Variants in INPP4B observed in about 807,000 individuals in gnomAD.
INPP4B encodes inositol polyphosphate 4-phosphatase type II.
Under a neutral mutation model 122.5 loss-of-function variants are expected in INPP4B, and 55 were observed. That is an observed-to-expected ratio of 0.45 (90% CI 0.36 to 0.56). The LOEUF (loss-of-function observed/expected upper bound fraction) is 0.56, where lower values mean the gene tolerates loss of function less well. INPP4B is among the 20% of genes least tolerant of loss of function. INPP4B has a pLI of 0.00. For synonymous variants in INPP4B, 403 were observed against 388.7 expected (o/e 1.04, Z -0.43); for missense variants, 1,000 against 1,097.7 (o/e 0.91, Z 1.26).
chr4:142,208,545 A>T lies in INPP4B; in HGVS notation c.968-16T>A. The stretch of plus-strand genomic sequence containing the variant: ...AAAGAGGACCCTGATGGAAACCAGA[A>T]ATTAAACATTATTAGTAAATAATGA... On this transcript the variant is annotated splice_polypyrimidine_tract_variant and intron_variant, in intron 13 of 25. Coordinates refer to ENST00000262992, the MANE Select transcript of INPP4B (RefSeq NM_001101669.3). 7.5e-7 allele frequency: 1 copy of T among 1,339,176 alleles called. No homozygotes were observed. Among genetic ancestry groups the T allele is most frequent in the Non-Finnish European group, 1.1e-6 (1 of 950,498 alleles). The allele number at this position is 1,339,176 out of a possible 1,614,324, so 83.0% of individuals were successfully genotyped here. A position where few individuals can be genotyped will look rare whatever the true frequency, so the allele number is the denominator to read the frequency against.
At chr4:142,519,180 T>C (rs1825774808) in intron 2 of INPP4B, among the ~76,000 whole-genome samples, 1 of 152,154 alleles carries the variant, frequency 6.6e-6, no homozygotes, top group African/African-American at 2.4e-5. Context: ...GGTGGGCGTG[T>C]ACACTTTGAT....
intron 2 of INPP4B, among the ~76,000 whole-genome samples, chr4:142,618,835 A>C (rs1287321095): frequency 6.6e-6 from 1 of 152,010 alleles, no homozygotes; most frequent in Admixed American, 6.6e-5. Context: ...ATATCTAATA[A>C]GGGATTACTA....
intron 1 of INPP4B, among the ~76,000 whole-genome samples, chr4:142,775,029 T>C (rs1183129766): frequency 1.3e-5 from 2 of 152,088 alleles, no homozygotes; most frequent in East Asian, 3.8e-4. Context: ...TGGTCAAGTA[T>C]TTTGTAGAAT....
At chr4:142,419,791 A>G (rs1806482333) in intron 5 of INPP4B, among the ~76,000 whole-genome samples, 1 of 152,106 alleles carries the variant, frequency 6.6e-6, no homozygotes, top group Non-Finnish European at 1.5e-5. Flanking sequence ...ATACATTTGG[A>G]TGCCATCTGC....
intron 2 of INPP4B, among the ~76,000 whole-genome samples, chr4:142,657,902 G>A (rs989406289): frequency 3.3e-5 from 5 of 152,164 alleles, no homozygotes; most frequent in East Asian, 1.9e-4. Context: ...TTTTGACACC[G>A]GGCTTTTCAA....
At chr4:142,259,525 A>G (rs1738550202) in intron 11 of INPP4B, among the ~76,000 whole-genome samples, 1 of 151,402 alleles carries the variant, frequency 6.6e-6, no homozygotes, top group Non-Finnish European at 1.5e-5. Flanking sequence ...ATGTGGAAAA[A>G]ATTGTTATAA....
intron 5 of INPP4B, among the ~76,000 whole-genome samples, chr4:142,427,698 C>T (rs1021654396): frequency 6.6e-6 from 1 of 151,958 alleles, no homozygotes; most frequent in South Asian, 2.1e-4. Context: ...CTCCAGCAGG[C>T]AAACAAGAAA....
In INPP4B at chr4:142,579,211, T is replaced by G. The variant is rs77103465; in HGVS notation, c.-190-116485A>C. 8.0e-3 allele frequency among the ~76,000 whole-genome samples: 1,211 copies of G among 152,132 alleles called. 10 individuals carry two copies. The highest frequency in any genetic ancestry group is 0.013 in the Non-Finnish European group (886 of 67,974). ...GGTAAACAAATAAATGCATATCTCA[T>G]TTGTAATGTGAGTTATAAAAAGTGA... On this transcript the variant is annotated intron_variant, in intron 2 of 25. Coordinates refer to ENST00000262992, the MANE Select transcript of INPP4B (RefSeq NM_001101669.3).
chr4:142,524,418 CA>C (rs1388075763), intron 2 of INPP4B, among the ~76,000 whole-genome samples: 7 of 151,898 alleles, frequency 4.6e-5, no homozygotes, highest in African/African-American at 1.7e-4. Context: ...TGATGATGAG[CA>C]TTTTTTCATG....
intron 1 of INPP4B, among the ~76,000 whole-genome samples, chr4:142,741,336 C>T (rs529669276): frequency 8.7e-4 from 132 of 151,862 alleles, no homozygotes; most frequent in African/African-American, 3.0e-3. Flanking sequence ...AGGAGAGAGA[C>T]GAGGAGGAGC....
intron 25 of INPP4B, among the ~76,000 whole-genome samples, chr4:142,051,478 G>T (rs557958278): frequency 3.3e-5 from 5 of 151,944 alleles, no homozygotes; most frequent in African/African-American, 1.2e-4. Flanking sequence ...GGACTTGGGT[G>T]GTGGTTTCAT....
At chr4:142,751,828 A>G (rs1378071143) in intron 1 of INPP4B, among the ~76,000 whole-genome samples, 1 of 152,124 alleles carries the variant, frequency 6.6e-6, no homozygotes, top group Non-Finnish European at 1.5e-5. Flanking sequence ...CATATCACTC[A>G]GACACAGAGA....
chr4:142,407,142 C>T (rs1274720360), intron 5 of INPP4B, among the ~76,000 whole-genome samples: 3 of 152,208 alleles, frequency 2.0e-5, no homozygotes, highest in African/African-American at 7.2e-5. Context: ...TTATTTTGAT[C>T]ATTTCCTTTA....
chr4:142,630,173 G>T (rs1259166512), intron 2 of INPP4B, among the ~76,000 whole-genome samples: 3 of 152,098 alleles, frequency 2.0e-5, no homozygotes, highest in African/African-American at 7.2e-5. Flanking sequence ...CTAAAGAACA[G>T]AAGAGGCATG....
At chr4:142,049,723 T>G (rs189170759) in intron 25 of INPP4B, among the ~76,000 whole-genome samples, 56 of 152,062 alleles carry the variant, frequency 3.7e-4, no homozygotes, top group Non-Finnish European at 7.8e-4. Context: ...TGAAGAAATA[T>G]AAGAAATAAA....
Position 142,026,779 on chromosome 4 carries a change from C to T in INPP4B, c.*2003G>A, listed in dbSNP as rs2152247178. The T allele has an allele frequency of 6.6e-6, 1 of 152,244 alleles. No homozygotes were observed. Among genetic ancestry groups the T allele is most frequent in the East Asian group, 1.9e-4 (1 of 5,184 alleles). 9.4% of individuals were successfully genotyped at this position (152,244 alleles called of 1,614,324 possible). A position where few individuals can be genotyped will look rare whatever the true frequency, so the allele number is the denominator to read the frequency against. The stretch of plus-strand genomic sequence containing the variant: ...AAATGTCTTTTAAAAATAGAAAACC[C>T]TACTGCTGGCTTTCCAGTTAATATT... On this transcript the variant is annotated 3_prime_UTR_variant, in exon 26 of 26. Coordinates refer to ENST00000262992, the MANE Select transcript of INPP4B (RefSeq NM_001101669.3).
chr4:142,460,042 C>G (rs1256112877), intron 3 of INPP4B, among the ~76,000 whole-genome samples: 1 of 152,148 alleles, frequency 6.6e-6, no homozygotes, highest in Admixed American at 6.6e-5. Flanking sequence ...AAGTTAGCCT[C>G]CTTGCTTTTT....
At chr4:142,248,336 C>CTTTTT (rs34309443) in intron 11 of INPP4B, among the ~76,000 whole-genome samples, 5 of 106,378 alleles carry the variant, frequency 4.7e-5, no homozygotes, top group Non-Finnish European at 8.7e-5. Context: ...CTCTCTCTCT[C>CTTTTT]TTTTTTTTTT....
At chr4:142,821,879 G>A (rs1002736073) in intron 1 of INPP4B, among the ~76,000 whole-genome samples, 1 of 152,112 alleles carries the variant, frequency 6.6e-6, no homozygotes, top group Admixed American at 6.6e-5. Flanking sequence ...GTGAGGGTGT[G>A]GGGAAGTCTT....
Sources: allele counts gnomAD v4.1 joint callset (sites outside exome capture counted in the v4.1 genomes callset), GRCh38; gene constraint gnomAD v4.1.1; transcripts MANE v1.5; gene names NCBI Gene and HGNC (gene_info 2026-07-23, HGNC 2026-07-21).